LINGO2: variants seen among roughly 807,000 people sequenced by gnomAD.
The protein encoded by LINGO2 is leucine rich repeat and Ig domain containing 2.
LINGO2 carries 14 observed loss-of-function variants against 30.6 expected under a neutral mutation model. The observed-to-expected ratio is 0.46, with a 90% confidence interval of 0.30 to 0.72. The LOEUF is 0.72. Among genes scored for constraint, LINGO2 ranks in the 30% least tolerant of loss-of-function variants. LINGO2 has a pLI of 0.07. For missense variants in LINGO2, 729 were observed against 751.7 expected (o/e 0.97, Z 0.35); for synonymous variants, 317 against 288.5 (o/e 1.10, Z -1.00).
At chr9:28,590,368 A>G (rs1824816238) in intron 1 of LINGO2, among the ~76,000 whole-genome samples, 1 of 152,136 alleles carries the variant, frequency 6.6e-6, no homozygotes, top group Non-Finnish European at 1.5e-5. Flanking sequence ...GTGAACAGGC[A>G]ACCTACAGAA....
chr9:29,080,791 G>A, the LINGO2 span, among the ~76,000 whole-genome samples: 1 of 152,142 alleles, frequency 6.6e-6, no homozygotes, highest in African/African-American at 2.4e-5. Context: ...TAGTTTGATC[G>A]CACTGTGGTC....
At chr9:28,109,617 C>T (rs1307230542) in intron 4 of LINGO2, among the ~76,000 whole-genome samples, 2 of 151,912 alleles carry the variant, frequency 1.3e-5, no homozygotes, top group Non-Finnish European at 2.9e-5. Context: ...AAGCAGAGAG[C>T]CAAATCAGGA....
At position 28,078,740 on chromosome 9, in the gene LINGO2, C is replaced by G. The variant is rs555573420; in HGVS notation, c.-86-66335G>C. Among the ~76,000 whole-genome samples the G allele has an allele frequency of 2.7e-5, 4 of 147,690 alleles. No homozygotes were observed. The South Asian group carries it at 8.3e-4, about 31-fold the overall frequency. Reference sequence around the variant, plus strand: ...ACATGCCTGTATAATCCCAGCTACTCAGGAGGCTGGGGCAGGAGAACCGCC... The same window carrying G: ...ACATGCCTGTATAATCCCAGCTACTGAGGAGGCTGGGGCAGGAGAACCGCC... On this transcript the variant is annotated intron_variant, in intron 4 of 5. Transcript: ENST00000379992.
intron 1 of LINGO2, among the ~76,000 whole-genome samples, chr9:28,582,534 T>TCAGCAAAGGTCTCACTCCG (rs1824309355): frequency 1.3e-5 from 2 of 152,182 alleles, no homozygotes; most frequent in East Asian, 3.9e-4. Flanking sequence ...CAAGAGCTGA[T>TCAGCAAAGGTCTCACTCCG]CAGCAAAGGT....
intron 4 of LINGO2, among the ~76,000 whole-genome samples, chr9:28,235,518 G>A (rs77991564): frequency 2.6e-5 from 4 of 152,170 alleles, no homozygotes; most frequent in Admixed American, 6.5e-5. Context: ...GACAATCCTG[G>A]AGAAACAGAG....
the LINGO2 span, among the ~76,000 whole-genome samples, chr9:28,878,163 C>T: frequency 6.6e-6 from 1 of 152,028 alleles, no homozygotes. Context: ...GATATCACCA[C>T]CAATCCCACA....
the LINGO2 span, among the ~76,000 whole-genome samples, chr9:28,718,553 A>C: frequency 1.3e-5 from 2 of 151,948 alleles, no homozygotes; most frequent in Non-Finnish European, 2.9e-5. Context: ...ACATAGCTTT[A>C]TCTCTCTGAA....
At chr9:28,376,125 A>T (rs1003403127) in intron 2 of LINGO2, among the ~76,000 whole-genome samples, 2 of 150,984 alleles carry the variant, frequency 1.3e-5, no homozygotes, top group African/African-American at 4.9e-5. Context: ...CAAGTGCAGC[A>T]GCCTAAAAAT....
chr9:28,963,077 G>C, the LINGO2 span, among the ~76,000 whole-genome samples: 3 of 151,900 alleles, frequency 2.0e-5, no homozygotes, highest in African/African-American at 7.2e-5. Context: ...CAATTACATA[G>C]AAAAGGGGAA....
chr9:28,987,514 T>C, the LINGO2 span, among the ~76,000 whole-genome samples: 2 of 152,056 alleles, frequency 1.3e-5, no homozygotes, highest in African/African-American at 4.8e-5. Flanking sequence ...ACCTTTTGTA[T>C]TATTTTTCTA....
intron 1 of LINGO2, among the ~76,000 whole-genome samples, chr9:28,623,374 A>G (rs1826502140): frequency 6.6e-6 from 1 of 151,998 alleles, no homozygotes; most frequent in Non-Finnish European, 1.5e-5. Flanking sequence ...TTGTATATGG[A>G]GAGAGATAAG....
At chr9:27,981,075 C>T (rs16912198) in intron 5 of LINGO2, among the ~76,000 whole-genome samples, 7,664 of 151,744 alleles carry the variant, frequency 0.051, 361 homozygotes, top group Admixed American at 0.1. Flanking sequence ...TGTATTTGTA[C>T]TCAACACATG....
At chr9:28,630,011 G>A (rs938640411) in intron 1 of LINGO2, among the ~76,000 whole-genome samples, 1 of 147,824 alleles carries the variant, frequency 6.8e-6, no homozygotes, top group South Asian at 2.1e-4. Context: ...CTATGAGTGA[G>A]AATATGCGGT....
intron 1 of LINGO2, among the ~76,000 whole-genome samples, chr9:28,525,837 C>T (rs1047874599): frequency 2.0e-5 from 3 of 152,018 alleles, no homozygotes; most frequent in Admixed American, 6.6e-5. Context: ...GGGCGGATCA[C>T]GAGGTCAGGA....
intron 2 of LINGO2, among the ~76,000 whole-genome samples, chr9:28,449,564 A>C (rs976016744): frequency 2.0e-5 from 3 of 152,072 alleles, no homozygotes; most frequent in African/African-American, 7.2e-5. Context: ...AATACCCAAC[A>C]AGTTACTCGT....
chr9:28,943,086 G>T, the LINGO2 span, among the ~76,000 whole-genome samples: 2 of 152,178 alleles, frequency 1.3e-5, no homozygotes, highest in Non-Finnish European at 2.9e-5. Context: ...TAATAAGCTT[G>T]CATTCTGCTA....
chr9:28,234,916 T>C (rs914419559), intron 4 of LINGO2, among the ~76,000 whole-genome samples: 1 of 152,032 alleles, frequency 6.6e-6, no homozygotes. Context: ...GACTAGTACA[T>C]GTGGTCTGAG....
At chr9:28,963,543 T>TACAC in the LINGO2 span, among the ~76,000 whole-genome samples, 44,084 of 140,584 alleles carry the variant, frequency 0.31, 7,036 homozygotes, top group East Asian at 0.47. Context: ...GGTATATGAA[T>TACAC]ACACACACAC....
chr9:28,587,048 A>G (rs1824583196), intron 1 of LINGO2, among the ~76,000 whole-genome samples: 1 of 152,016 alleles, frequency 6.6e-6, no homozygotes, highest in African/African-American at 2.4e-5. Context: ...TCATACAGCT[A>G]GAAATCCCGC....
Sources: allele counts gnomAD v4.1 joint callset (sites outside exome capture counted in the v4.1 genomes callset), GRCh38; gene constraint gnomAD v4.1.1; transcripts MANE v1.5; gene names NCBI Gene and HGNC (gene_info 2026-07-23, HGNC 2026-07-21).